Variants in PTPRT observed in about 807,000 individuals in gnomAD.
The protein encoded by PTPRT is receptor-type tyrosine-protein phosphatase T.
PTPRT carries 56 observed loss-of-function variants against 176.8 expected under a neutral mutation model. That is an observed-to-expected ratio of 0.32 (90% CI 0.26 to 0.40). The LOEUF is 0.40. PTPRT is among the 10% of genes least tolerant of loss of function. The pLI is 1.00. For missense variants in PTPRT, 1,540 were observed against 1,908.2 expected, an observed-to-expected ratio of 0.81 and a Z score of 3.60; for synonymous variants, 783 against 739.0, an observed-to-expected ratio of 1.06 and a Z score of -0.96.
At chr20:42,586,500 A>G (rs545805626) in intron 7 of PTPRT, among the ~76,000 whole-genome samples, 5 of 152,216 alleles carry the variant, frequency 3.3e-5, no homozygotes, top group Admixed American at 1.3e-4. Flanking sequence ...CTAGCTCCCA[A>G]AGTGGGGACT....
intron 9 of PTPRT, among the ~76,000 whole-genome samples, chr20:42,378,057 G>A (rs1004709551): frequency 1.3e-5 from 2 of 152,160 alleles, no homozygotes; most frequent in Admixed American, 6.5e-5. Context: ...TAACAGATGT[G>A]GTACATCTCA....
chr20:42,289,235 A>C (rs1395950543), intron 12 of PTPRT, among the ~76,000 whole-genome samples: 1 of 152,118 alleles, frequency 6.6e-6, no homozygotes, highest in East Asian at 1.9e-4. Context: ...TATGACTGAG[A>C]CCTCAAAAGC....
chr20:42,312,965 GCATTCC>G (rs76620126), intron 12 of PTPRT, among the ~76,000 whole-genome samples: 46,489 of 151,538 alleles, frequency 0.31, 7,406 homozygotes, highest in Middle Eastern at 0.35. Context: ...CTACTGAGAT[GCATTCC>G]CAGATGGTTA....
chr20:42,579,145 G>A (rs1315507991), intron 7 of PTPRT, among the ~76,000 whole-genome samples: 2 of 144,798 alleles, frequency 1.4e-5, no homozygotes, highest in Non-Finnish European at 3.0e-5. Flanking sequence ...ACCTATGAGT[G>A]AGAATATGCG....
chr20:42,046,107 G>A, the PTPRT span, among the ~76,000 whole-genome samples: 2 of 152,342 alleles, frequency 1.3e-5, 1 homozygote, highest in South Asian at 4.1e-4. Flanking sequence ...CGTTGGTCTG[G>A]TCTGTATAGT....
rs541350670 is a variant in PTPRT at position 42,194,349 on chromosome 20, G to A, written c.2491+4891C>T. Among the ~76,000 whole-genome samples the A allele has an allele frequency of 2.6e-5, 4 of 152,286 alleles. No homozygotes were observed. In the South Asian group the frequency reaches 8.3e-4, roughly 32 times the overall value. On this transcript the variant is annotated intron_variant, in intron 16 of 30. Transcript: ENST00000373187. ...GTCTGTCTGATGACCCTTAGAGAAGGACTGCCTTTACCTTCCAGACATGGA... is the reference window on the plus strand; with the variant it reads ...GTCTGTCTGATGACCCTTAGAGAAGAACTGCCTTTACCTTCCAGACATGGA...
At chr20:42,099,705 TGTGGGA>T (rs1013770956) in intron 26 of PTPRT, among the ~76,000 whole-genome samples, 2 of 152,176 alleles carry the variant, frequency 1.3e-5, no homozygotes, top group African/African-American at 4.8e-5. Flanking sequence ...TGATGGTTTC[TGTGGGA>T]GTTACAGCTG....
At chr20:42,270,863 C>T (rs1193611877) in intron 13 of PTPRT, among the ~76,000 whole-genome samples, 3 of 152,106 alleles carry the variant, frequency 2.0e-5, no homozygotes, top group East Asian at 3.9e-4. Flanking sequence ...ACATGGGAGC[C>T]CTCCTTTTTT....
At chr20:42,254,307 C>T (rs2056599870) in intron 13 of PTPRT, among the ~76,000 whole-genome samples, 1 of 152,164 alleles carries the variant, frequency 6.6e-6, no homozygotes. Flanking sequence ...GGTCCATCGA[C>T]CAGAATATTG....
At chr20:42,314,978 G>A (rs993420433) in intron 12 of PTPRT, among the ~76,000 whole-genome samples, 1 of 152,142 alleles carries the variant, frequency 6.6e-6, no homozygotes, top group Non-Finnish European at 1.5e-5. Flanking sequence ...TGTTTTGTGT[G>A]TGTTTGAGAT....
chr20:42,637,760 T>C (rs2145919570), intron 7 of PTPRT, among the ~76,000 whole-genome samples: 1 of 152,230 alleles, frequency 6.6e-6, no homozygotes, highest in South Asian at 2.1e-4. Flanking sequence ...ACAGTAGGCA[T>C]TCAATACAAA....
intron 1 of PTPRT, among the ~76,000 whole-genome samples, chr20:43,040,548 C>T (rs560938850): frequency 6.6e-6 from 1 of 152,324 alleles, no homozygotes; most frequent in South Asian, 2.1e-4. Context: ...TGCACATACC[C>T]GCACCCCCTC....
rs776660746 is a variant in PTPRT at position 42,076,559 on chromosome 20, A to G, written c.*4320T>C. ...AGTGAGGTCAGAGCACCCACACACC[A>G]AAGGAGCTGCCTAGGAGAAGGTCAG... On this transcript the variant is annotated 3_prime_UTR_variant, in exon 31 of 31. Transcript: ENST00000373187. 2.5e-5 allele frequency: 5 copies of G among 197,704 alleles called. No individual in the cohort carries two copies. The highest frequency in any genetic ancestry group is 6.9e-5 in the African/African-American group (3 of 43,292). 12.2% of individuals were successfully genotyped at this position (197,704 alleles called of 1,614,324 possible).
intron 2 of PTPRT, among the ~76,000 whole-genome samples, chr20:42,845,436 G>C (rs1036536502): frequency 1.3e-4 from 20 of 152,138 alleles, no homozygotes; most frequent in African/African-American, 4.6e-4. Flanking sequence ...ATCATAAATT[G>C]AAGGGCGTGC....
intron 7 of PTPRT, among the ~76,000 whole-genome samples, chr20:42,541,298 T>C (rs2867484): frequency 0.45 from 67,612 of 151,644 alleles, 15,572 homozygotes; most frequent in African/African-American, 0.56. Context: ...GGGGTGAAGG[T>C]GGGTGTTGGG....
chr20:42,617,670 G>C (rs1346020432), intron 7 of PTPRT, among the ~76,000 whole-genome samples: 1 of 138,934 alleles, frequency 7.2e-6, no homozygotes, highest in Non-Finnish European at 1.5e-5. Flanking sequence ...AGTCTTGGGA[G>C]GGTGTATGTG....
intron 7 of PTPRT, among the ~76,000 whole-genome samples, chr20:42,475,505 C>G (rs1180384171): frequency 1.3e-5 from 2 of 152,144 alleles, no homozygotes; most frequent in Non-Finnish European, 2.9e-5. Flanking sequence ...AGTAGAAAAC[C>G]TGTGTTTTCT....
intron 1 of PTPRT, among the ~76,000 whole-genome samples, chr20:43,083,343 T>C (rs189592212): frequency 0.02 from 2,304 of 115,202 alleles, 128 homozygotes; most frequent in Non-Finnish European, 0.03. Context: ...TATATATATA[T>C]ATATATATAT....
chr20:42,953,329 G>A (rs1441850230), intron 1 of PTPRT, among the ~76,000 whole-genome samples: 1 of 152,186 alleles, frequency 6.6e-6, no homozygotes, highest in African/African-American at 2.4e-5. Flanking sequence ...GAAGACTGAG[G>A]CTCAGAGATG....
Sources: allele counts gnomAD v4.1 joint callset (sites outside exome capture counted in the v4.1 genomes callset), GRCh38; gene constraint gnomAD v4.1.1; transcripts MANE v1.5; gene names NCBI Gene and HGNC (gene_info 2026-07-23, HGNC 2026-07-21).